The following MKRN2 variants were observed in gnomAD, a reference collection of about 807,000 sequenced individuals.
MKRN2 encodes E3 ubiquitin-protein ligase makorin-2.
In MKRN2, 32 loss-of-function variants were observed where a neutral mutation model predicts 45.4. The observed-to-expected ratio is 0.70, with a 90% CI of 0.53 to 0.95. The LOEUF (loss-of-function observed/expected upper bound fraction) is 0.95. Ranked by LOEUF, MKRN2 falls within the 40% of genes least tolerant of loss-of-function variation. The probability of loss-of-function intolerance (pLI) is 0.00; values close to 1 mark genes in which losing one functional copy is unlikely to be tolerated. For synonymous variants in MKRN2, 206 were observed against 192.4 expected, an observed-to-expected ratio of 1.07 and a Z score of -0.59; for missense variants, 526 against 536.7, an observed-to-expected ratio of 0.98 and a Z score of 0.20.
At position 12,575,886 on chromosome 3, in the gene MKRN2, A is replaced by ATGGACGCAGCAC. The variant is rs141516530; in HGVS notation, c.858-744_858-733dup. ...CTCCTGGCGGAATATGTTCCATTGT[A>ATGGACGCAGCAC]TGGACGCAGCACATTTCCCTTATCC... On this transcript the variant is annotated intron_variant, in intron 5 of 7. Transcript: ENST00000170447. 2.0e-3 allele frequency among the ~76,000 whole-genome samples: 303 copies of ATGGACGCAGCAC among 152,270 alleles called. 7 individuals carry two copies. In the East Asian group the frequency reaches 0.052, roughly 26 times the overall value.
intron 5 of MKRN2, 146 bp downstream of exon 5, chr3:12,575,152 T>A: frequency 1.4e-6 from 1 of 715,556 alleles, no homozygotes; most frequent in Non-Finnish European, 2.3e-6. Context: ...GCAAGTCATT[T>A]ACTCTTCCTG....
At chr3:12,560,478 TAAAAA>T (rs10651248) in intron 1 of MKRN2, among the ~76,000 whole-genome samples, 1 of 124,970 alleles carries the variant, frequency 8.0e-6, no homozygotes, top group African/African-American at 2.8e-5. Context: ...TAGGAAAATG[TAAAAA>T]AAAAAAAAAA....
intron 3 of MKRN2, among the ~76,000 whole-genome samples, chr3:12,571,138 T>G (rs1403274690): frequency 1.3e-5 from 2 of 149,374 alleles, no homozygotes; most frequent in African/African-American, 5.0e-5. Flanking sequence ...TTTTTGTTTT[T>G]TTTTTGGAGA....
Position 12,570,088 on chromosome 3 carries a change from C to T in MKRN2, c.173C>T (p.Pro58Leu). 6.2e-7 allele frequency: 1 copy of T among 1,612,024 alleles called. No homozygotes were observed. Among genetic ancestry groups the T allele is most frequent in the Non-Finnish European group, 8.5e-7 (1 of 1,179,388 alleles). Residue 58 changes from proline to leucine, a missense_variant, in exon 3 of 8, where the codon CCC becomes CTC. Pro to Leu is a moderately conservative substitution (Grantham distance 98). Coordinates refer to ENST00000170447, the MANE Select transcript of MKRN2 (RefSeq NM_014160.5). ...GTRCRYDHTR[P>L]SAAAGGAVGT... The stretch of plus-strand genomic sequence containing the variant: ...TTGTTTAGATATGACCACACGAGGC[C>T]CTCTGCTGCAGCTGGAGGTGCTGTG...
intron 1 of MKRN2, among the ~76,000 whole-genome samples, chr3:12,558,007 T>C (rs2057997058): frequency 1.3e-5 from 2 of 152,250 alleles, no homozygotes; most frequent in Admixed American, 6.5e-5. Context: ...TGGAGTCTAG[T>C]CCTATTGAAT....
chr3:12,579,023 T>G (rs1189673549), intron 6 of MKRN2, among the ~76,000 whole-genome samples: 2 of 152,042 alleles, frequency 1.3e-5, no homozygotes, highest in African/African-American at 4.8e-5. Context: ...TGAAAAGCAG[T>G]CTGGAGATTG....
chr3:12,568,723 A>C, intron 1 of MKRN2, 152 bp from the exon 2 acceptor site: 1 of 1,014,190 alleles, frequency 9.9e-7, no homozygotes. Context: ...TTGTAGAATC[A>C]AGGAAATATA....
rs769572758 is a variant in MKRN2, at chr3:12,576,692, G to C, written c.919G>C (p.Asp307His). 6.2e-7 allele frequency: 1 copy of C among 1,610,960 alleles called. No homozygotes were observed. Among genetic ancestry groups the C allele is most frequent in the Admixed American group, 1.7e-5 (1 of 59,972 alleles). ...AATTCCAAGTGTGTATTGGGTGGAA[G>C]ATCAGAATAAAAAGAACGAGTTGAT... ...FVIPSVYWVE[D>H]QNKKNELIEA... The change falls in exon 6 of 8, where the codon GAT becomes CAT. Residue 307 changes from aspartate (D) to histidine (H), a missense_variant. Physicochemically the swap from Asp to His is moderately conservative, Grantham distance 81 (BLOSUM62 -1). Coordinates refer to ENST00000170447, the MANE Select transcript of MKRN2 (RefSeq NM_014160.5).
At chr3:12,579,978 G>A (rs1433189717) in intron 6 of MKRN2, among the ~76,000 whole-genome samples, 1 of 152,194 alleles carries the variant, frequency 6.6e-6, no homozygotes, top group Admixed American at 6.5e-5. Context: ...GGAAACTGGT[G>A]GGAGTGGGAG....
At chr3:12,560,211 A>G (rs1043114767) in intron 1 of MKRN2, among the ~76,000 whole-genome samples, 1 of 152,230 alleles carries the variant, frequency 6.6e-6, no homozygotes, top group Non-Finnish European at 1.5e-5. Context: ...GCAGTCTATG[A>G]AGTAAGTGCA....
intron 3 of MKRN2, among the ~76,000 whole-genome samples, chr3:12,570,603 A>C (rs990034316): frequency 2.6e-5 from 4 of 152,094 alleles, no homozygotes; most frequent in Admixed American, 2.0e-4. Flanking sequence ...TTGTCTGGGT[A>C]AAGTGGCTCA....
rs1412593553 is a variant in MKRN2, at chr3:12,574,794, C to T, written c.645C>T (p.Ile215=). Residue 215 remains isoleucine, a splice_region_variant and synonymous_variant, in exon 5 of 8, where the codon ATC becomes ATT. Coordinates refer to ENST00000170447, the MANE Select transcript of MKRN2 (RefSeq NM_014160.5). ...CTTCCTTCCTGTCTGTGCTTCAGAT[C>T]TGCATGTTGACGTTCGAACACGAGA... is the stretch of plus-strand genomic sequence containing the variant. ...DPEQRKAHEK[I]CMLTFEHEME... is the part of the protein sequence containing the mutation. 6.2e-7 allele frequency: 1 copy of T among 1,612,584 alleles called. No individual in the cohort carries two copies. Among genetic ancestry groups the T allele is most frequent in the East Asian group, 2.2e-5 (1 of 44,872 alleles).
At chr3:12,576,189 A>ATG (rs59197804) in intron 5 of MKRN2, among the ~76,000 whole-genome samples, 19,218 of 143,048 alleles carry the variant, frequency 0.13, 1,337 homozygotes, top group Middle Eastern at 0.23. Flanking sequence ...GAAACCATAT[A>ATG]TGTGTGTGTG....
chr3:12,557,656 G>C (rs1037037178), intron 1 of MKRN2, among the ~76,000 whole-genome samples: 45 of 152,260 alleles, frequency 3.0e-4, no homozygotes, highest in Admixed American at 2.9e-3. Flanking sequence ...GAGTTAACAA[G>C]TAAAAGTTGT....
chr3:12,569,595 C>T (rs892852418), intron 2 of MKRN2, among the ~76,000 whole-genome samples: 2 of 152,158 alleles, frequency 1.3e-5, no homozygotes, highest in African/African-American at 2.4e-5. Context: ...TGCAAAGCTT[C>T]CTTCCCTCCT....
intron 1 of MKRN2, among the ~76,000 whole-genome samples, chr3:12,567,481 CT>C (rs35726193): frequency 0.39 from 30,032 of 77,306 alleles, 3,934 homozygotes; most frequent in African/African-American, 0.51. Flanking sequence ...GCTAGTTTAT[CT>C]TTTTTTTTTT....
intron 1 of MKRN2, among the ~76,000 whole-genome samples, chr3:12,561,508 G>GA (rs2058036087): frequency 6.6e-6 from 1 of 152,164 alleles, no homozygotes; most frequent in South Asian, 2.1e-4. Flanking sequence ...AGTATTGGCT[G>GA]GTGCAGTGGC....
intron 2 of MKRN2, among the ~76,000 whole-genome samples, chr3:12,569,566 CGATCTTTTCTTTCTA>C (rs2058087087): frequency 6.6e-6 from 1 of 152,108 alleles, no homozygotes; most frequent in Non-Finnish European, 1.5e-5. Context: ...AGCAAAGAGC[CGATCTTTTCTTTCTA>C]GACTGCAAAG....
rs1027837015 is a variant in MKRN2 at position 12,582,527 on chromosome 3, A to C, written c.*274A>C. The C allele has an allele frequency of 9.7e-5, 34 of 349,790 alleles. No homozygotes were observed. In the South Asian group the frequency reaches 1.1e-3, roughly 11 times the overall value. 21.7% of individuals were successfully genotyped at this position (349,790 alleles called of 1,614,324 possible). ...CAGGGGTAACAACTAACAAACACCC[A>C]AACTGTTTGGATTGATTGCTTTAAA... On this transcript the variant is annotated 3_prime_UTR_variant, in exon 8 of 8. Transcript: ENST00000170447.
Sources: allele counts gnomAD v4.1 joint callset (sites outside exome capture counted in the v4.1 genomes callset), GRCh38; gene constraint gnomAD v4.1.1; transcripts MANE v1.5; gene names NCBI Gene and HGNC (gene_info 2026-07-23, HGNC 2026-07-21).